FBXO5: variants seen among roughly 807,000 people sequenced by gnomAD.
FBXO5 encodes F-box protein 5.
FBXO5 carries 8 observed loss-of-function variants against 43.3 expected under a neutral mutation model. That is an observed-to-expected ratio of 0.18 (90% confidence interval 0.11 to 0.33). FBXO5 has a LOEUF of 0.33. FBXO5 is among the 10% of genes least tolerant of loss of function. FBXO5 has a pLI of 1.00. For missense variants in FBXO5, 491 were observed against 535.7 expected (o/e 0.92, Z 0.82); for synonymous variants, 204 against 193.7 (o/e 1.05, Z -0.44).
intron 1 of FBXO5, among the ~76,000 whole-genome samples, chr6:152,982,622 G>A (rs1778279932): frequency 1.3e-5 from 2 of 152,118 alleles, no homozygotes; most frequent in Non-Finnish European, 2.9e-5. Flanking sequence ...CGTGGGTGGC[G>A]GGACCCCGCG....
At chr6:152,976,121 C>A (rs1170758728) in intron 1 of FBXO5, among the ~76,000 whole-genome samples, 1 of 151,914 alleles carries the variant, frequency 6.6e-6, no homozygotes, top group Non-Finnish European at 1.5e-5. Flanking sequence ...ACAACCCAAG[C>A]CACTGACAGC....
rs1778220648 is a variant in FBXO5 at position 152,979,034 on chromosome 6, G to T, written c.104-3413C>A. ...AAAAAAAAGGTTTAGTATTTTAAAA[G>T]AATTTTAATAAACTTATTTGAATTC... On this transcript the variant is annotated intron_variant, in intron 1 of 4. Coordinates refer to ENST00000229758, the MANE Select transcript of FBXO5 (RefSeq NM_012177.5). Among the ~76,000 whole-genome samples the T allele has an allele frequency of 3.3e-5, 5 of 152,136 alleles. No individual in the cohort carries two copies. In the South Asian group the frequency reaches 6.2e-4, roughly 19 times the overall value.
At chr6:152,977,599 TTC>T (rs1778193868) in intron 1 of FBXO5, among the ~76,000 whole-genome samples, 1 of 152,162 alleles carries the variant, frequency 6.6e-6, no homozygotes, top group African/African-American at 2.4e-5. Context: ...GAACAAATGA[TTC>T]TGAGTGGTTT....
intron 3 of FBXO5, 90 bp from the exon 4 acceptor site, chr6:152,972,544 C>A: frequency 1.1e-6 from 1 of 945,434 alleles, no homozygotes; most frequent in Non-Finnish European, 1.5e-6. Context: ...TAAGAAATGA[C>A]AAACAAGATT....
At position 152,975,758 on chromosome 6, in the gene FBXO5, G is replaced by A. The variant is rs1403218479; in HGVS notation, c.104-137C>T. 1.5e-5 allele frequency: 9 copies of A among 585,798 alleles called. No individual in the cohort carries two copies. In the East Asian group the frequency reaches 2.6e-4, roughly 17 times the overall value. 36.3% of individuals were successfully genotyped at this position (585,798 alleles called of 1,614,324 possible). ...TCTACATGTACTTGCTTACATAGCT[G>A]TGATGTTATTCAAGTTTAATTATTG... On this transcript the variant is annotated intron_variant, in intron 1 of 4. Transcript: ENST00000229758.
At chr6:152,972,076 G>A (rs1027220994) in intron 4 of FBXO5, among the ~76,000 whole-genome samples, 196 bp downstream of exon 4, 1 of 151,994 alleles carries the variant, frequency 6.6e-6, no homozygotes, top group Non-Finnish European at 1.5e-5. Context: ...AAATGAAGAG[G>A]ACACTAATGA....
Position 152,970,540 on chromosome 6 carries a change from T to C in FBXO5, c.*623A>G, listed in dbSNP as rs1037236165. 1 of 152,234 alleles carries C rather than the reference T, an allele frequency of 6.6e-6. No homozygotes were observed. Among genetic ancestry groups the C allele is most frequent in the Admixed American group, 6.5e-5 (1 of 15,282 alleles). 9.4% of individuals were successfully genotyped at this position (152,234 alleles called of 1,614,324 possible). ...GGTATACATTAAGCTTACAATTTTATTGAGCAAAATTTATTTTTATATGTA... is the reference window on the plus strand; with the variant it reads ...GGTATACATTAAGCTTACAATTTTACTGAGCAAAATTTATTTTTATATGTA... On this transcript the variant is annotated 3_prime_UTR_variant, in exon 5 of 5. Coordinates refer to ENST00000229758, the MANE Select transcript of FBXO5 (RefSeq NM_012177.5).
At position 152,970,569 on chromosome 6, in the gene FBXO5, A is replaced by G. The variant is rs1274999839; in HGVS notation, c.*594T>C. The G allele has an allele frequency of 1.3e-5, 2 of 152,386 alleles. No individual in the cohort carries two copies. The highest frequency in any genetic ancestry group is 1.5e-5 in the Non-Finnish European group (1 of 68,054). 9.4% of individuals were successfully genotyped at this position (152,386 alleles called of 1,614,324 possible). ...GCAAAATTTATTTTTATATGTACATACAAGAGACATATTCTTTGACATATA... is the reference window on the plus strand; with the variant it reads ...GCAAAATTTATTTTTATATGTACATGCAAGAGACATATTCTTTGACATATA... On this transcript the variant is annotated 3_prime_UTR_variant, in exon 5 of 5. Coordinates refer to ENST00000229758, the MANE Select transcript of FBXO5 (RefSeq NM_012177.5).
Position 152,975,540 on chromosome 6 carries a change from A to C in FBXO5, c.185T>G (p.Leu62Arg). The C allele has an allele frequency of 6.2e-7, 1 of 1,613,072 alleles. No individual in the cohort carries two copies. The highest frequency in any genetic ancestry group is 1.7e-4 in the Middle Eastern group (1 of 6,060). Reference sequence around the variant, plus strand: ...TCTTCCAATGTCATCAGGTTTTACCAGTTTAAGTCCGGAATGAACATGGTT... The same window carrying C: ...TCTTCCAATGTCATCAGGTTTTACCCGTTTAAGTCCGGAATGAACATGGTT... ...NCNHVHSGLKLVKPDDIGRLV... is the reference protein window; with the variant it reads ...NCNHVHSGLKRVKPDDIGRLV... The change falls in exon 2 of 5, where the codon CTG becomes CGG. Residue 62 changes from leucine to arginine, a missense_variant. Leu to Arg is a moderately radical substitution (Grantham distance 102). Coordinates refer to ENST00000229758, the MANE Select transcript of FBXO5 (RefSeq NM_012177.5).
At chr6:152,979,689 T>A (rs536233453) in intron 1 of FBXO5, among the ~76,000 whole-genome samples, 3 of 152,228 alleles carry the variant, frequency 2.0e-5, no homozygotes, top group Non-Finnish European at 4.4e-5. Flanking sequence ...CTCATAGACT[T>A]TGGGTTATAA....
At chr6:152,972,969 T>C in intron 3 of FBXO5, 77 bp downstream of exon 3, 1 of 1,158,848 alleles carries the variant, frequency 8.6e-7, no homozygotes, top group Non-Finnish European at 1.3e-6. Flanking sequence ...GTTTCCAGAT[T>C]ACCTCTTTTC....
chr6:152,982,567 G>A (rs1778279102), intron 1 of FBXO5, among the ~76,000 whole-genome samples: 1 of 152,152 alleles, frequency 6.6e-6, no homozygotes. Flanking sequence ...AGGGCGCCCT[G>A]GGATGCCACG....
chr6:152,983,453 C>T (rs2073262), upstream of FBXO5: 51,090 of 152,856 alleles, frequency 0.33, 8,957 homozygotes, highest in African/African-American at 0.44. Flanking sequence ...AAATGGTAGC[C>T]GACTTTCTTC....
intron 2 of FBXO5, 62 bp downstream of exon 2, chr6:152,974,845 T>C: frequency 7.5e-7 from 1 of 1,325,854 alleles, no homozygotes; most frequent in Admixed American, 2.2e-5. Context: ...CTGGTGGTAC[T>C]GAGCCACTAA....
chr6:152,973,758 A>C (rs1388856721), intron 2 of FBXO5: 4 of 152,364 alleles, frequency 2.6e-5, no homozygotes, highest in Non-Finnish European at 5.9e-5. Flanking sequence ...GCTACTCAGG[A>C]GGCAGAAGAA....
intron 2 of FBXO5, among the ~76,000 whole-genome samples, chr6:152,974,600 T>C (rs1482933393): frequency 6.6e-6 from 1 of 152,244 alleles, no homozygotes; most frequent in Non-Finnish European, 1.5e-5. Flanking sequence ...TGTAAGGTTA[T>C]CTACAACAGG....
intron 3 of FBXO5, chr6:152,972,826 CCCTTTGTT>C: frequency 4.2e-6 from 2 of 472,246 alleles, no homozygotes; most frequent in South Asian, 3.2e-5. Flanking sequence ...GAGTAATTTT[CCCTTTGTT>C]ACTTTAGACA....
At chr6:152,976,867 A>C (rs1324520561) in intron 1 of FBXO5, among the ~76,000 whole-genome samples, 1 of 152,172 alleles carries the variant, frequency 6.6e-6, no homozygotes, top group African/African-American at 2.4e-5. Flanking sequence ...CTTTGTTCTC[A>C]GGGACTGTCC....
chr6:152,975,605 A>C lies in FBXO5; in HGVS notation c.120T>G (p.Ser40Arg). ...PRPSDSCKEE[S>R]STLSVKMKCD... ...ACTTCATTTTGACAGAAAGGGTAGA[A>C]CTTTCTTCTTTACAACCTATAAAAA... Residue 40 changes from serine to arginine, a missense_variant, in exon 2 of 5, where the codon AGT becomes AGG. Transcript: ENST00000229758. 1 of 1,597,768 alleles carries C rather than the reference A, an allele frequency of 6.3e-7. No homozygotes were observed. Among genetic ancestry groups the C allele is most frequent in the Non-Finnish European group, 8.5e-7 (1 of 1,175,248 alleles).
Sources: gnomAD v4.1 joint callset for allele counts (sites outside exome capture counted in the v4.1 genomes callset) on GRCh38, gnomAD v4.1.1 for gene constraint, MANE v1.5 for transcripts, NCBI Gene and HGNC (gene_info 2026-07-23, HGNC 2026-07-21) for gene names.